Variants in EPHA5 observed in about 807,000 individuals in gnomAD.
EPHA5 encodes the protein EPH receptor A5, also known as ephrin type-A receptor 5.
In EPHA5, 60 loss-of-function variants were observed where a neutral mutation model predicts 105.0. That is an observed-to-expected ratio of 0.57 (90% CI 0.46 to 0.71). The LOEUF (loss-of-function observed/expected upper bound fraction) is 0.71. Ranked by LOEUF, EPHA5 falls within the 30% of genes least tolerant of loss-of-function variation. The probability of loss-of-function intolerance (pLI) is 0.00; values close to 1 mark genes in which losing one functional copy is unlikely to be tolerated. For missense variants in EPHA5, 1,218 were observed against 1,274.7 expected (o/e 0.96, Z 0.68); for synonymous variants, 513 against 449.1 (o/e 1.14, Z -1.80).
intron 3 of EPHA5, among the ~76,000 whole-genome samples, chr4:65,560,147 A>T (rs188116399): frequency 1.0e-3 from 156 of 152,212 alleles, no homozygotes; most frequent in African/African-American, 3.7e-3. Flanking sequence ...CTTTTGAATA[A>T]AGTTGATTAT....
At chr4:65,457,431 A>G (rs1409336184) in intron 5 of EPHA5, among the ~76,000 whole-genome samples, 3 of 152,204 alleles carry the variant, frequency 2.0e-5, no homozygotes, top group African/African-American at 4.8e-5. Context: ...TAAGCAAACT[A>G]TAAGTTATAC....
intron 5 of EPHA5, among the ~76,000 whole-genome samples, chr4:65,445,875 C>T (rs188896757): frequency 6.6e-6 from 1 of 152,232 alleles, no homozygotes; most frequent in African/African-American, 2.4e-5. Flanking sequence ...AGAAATATTA[C>T]CAATTAGGGA....
chr4:65,594,747 T>G (rs999001531), intron 3 of EPHA5, among the ~76,000 whole-genome samples: 45 of 142,390 alleles, frequency 3.2e-4, no homozygotes, highest in African/African-American at 1.0e-3. Context: ...TGAAACAAGT[T>G]CTTTAAGAAA....
chr4:65,644,207 C>CAT (rs1256273153), intron 1 of EPHA5, among the ~76,000 whole-genome samples: 1 of 151,524 alleles, frequency 6.6e-6, no homozygotes, highest in Non-Finnish European at 1.5e-5. Context: ...TGAGTATCTA[C>CAT]ACACACACAC....
At chr4:65,420,609 C>T in intron 5 of EPHA5, 44 bp from the exon 6 acceptor site, 1 of 1,587,170 alleles carries the variant, frequency 6.3e-7, no homozygotes, top group Non-Finnish European at 8.6e-7. Context: ...TAATAAGGCC[C>T]TAAAAGTAAA....
At chr4:65,635,494 A>G (rs144646006) in intron 2 of EPHA5, among the ~76,000 whole-genome samples, 315 of 152,254 alleles carry the variant, frequency 2.1e-3, no homozygotes, top group Middle Eastern at 6.8e-3. Context: ...TGGTTTCCCC[A>G]TTGTGTGCTA....
rs1311104438 is a variant in EPHA5, at chr4:65,446,190, CA to C, written c.1403-25626del. Among the ~76,000 whole-genome samples the C allele has an allele frequency of 2.6e-5, 4 of 152,216 alleles. No homozygotes were observed. In the East Asian group the frequency reaches 7.7e-4, roughly 29 times the overall value. On this transcript the variant is annotated intron_variant, in intron 5 of 16. Transcript: ENST00000613740. ...AATAACTACAGATGTCTGCTTAATG[CA>C]ATTGTACCAATTGTCTATTATTTTT... is the stretch of plus-strand genomic sequence containing the variant.
At position 65,669,998 on chromosome 4, in the gene EPHA5, C is replaced by T. The variant is rs1335401141; in HGVS notation, c.-256G>A. The stretch of plus-strand genomic sequence containing the variant: ...TTCTGGTTGCTAGTGCAGATCTGGA[C>T]TCGGATCAAGGGTGTCGAGAGGGTC... On this transcript the variant is annotated 5_prime_UTR_variant, in exon 1 of 17. Coordinates refer to ENST00000613740, the MANE Select transcript of EPHA5 (RefSeq NM_001281766.3). 1 of 460,390 alleles carries T rather than the reference C, an allele frequency of 2.2e-6. No homozygotes were observed. Among genetic ancestry groups the T allele is most frequent in the African/African-American group, 2.0e-5 (1 of 49,818 alleles). The allele number at this position is 460,390 out of a possible 1,614,324, so 28.5% of individuals were successfully genotyped here. A position where few individuals can be genotyped will look rare whatever the true frequency, so the allele number is the denominator to read the frequency against.
At chr4:65,575,928 G>A (rs1461727787) in intron 3 of EPHA5, among the ~76,000 whole-genome samples, 1 of 149,570 alleles carries the variant, frequency 6.7e-6, no homozygotes, top group Non-Finnish European at 1.5e-5. Context: ...AGTGAGCCAG[G>A]ACCGTGCCAC....
intron 7 of EPHA5, among the ~76,000 whole-genome samples, chr4:65,409,851 A>T (rs1722750134): frequency 6.6e-6 from 1 of 152,210 alleles, no homozygotes. Context: ...AAATAATGAG[A>T]TATCACTACC....
chr4:65,534,411 T>C (rs1578360237), intron 3 of EPHA5, among the ~76,000 whole-genome samples: 1 of 152,178 alleles, frequency 6.6e-6, no homozygotes, highest in Non-Finnish European at 1.5e-5. Context: ...TTTAGAGGAT[T>C]TCCTCTTTCT....
At chr4:65,356,103 C>T (rs1577902675) in intron 11 of EPHA5, among the ~76,000 whole-genome samples, 1 of 151,484 alleles carries the variant, frequency 6.6e-6, no homozygotes, top group African/African-American at 2.4e-5. Flanking sequence ...ATCACATGAA[C>T]AGACGCTGTG....
At chr4:65,583,511 G>A (rs1741841775) in intron 3 of EPHA5, among the ~76,000 whole-genome samples, 1 of 151,650 alleles carries the variant, frequency 6.6e-6, no homozygotes, top group African/African-American at 2.4e-5. Context: ...AATTAAACAT[G>A]ACAATAGTTT....
At chr4:65,575,025 A>G (rs190953291) in intron 3 of EPHA5, among the ~76,000 whole-genome samples, 53 of 151,994 alleles carry the variant, frequency 3.5e-4, no homozygotes, top group African/African-American at 1.2e-3. Context: ...CTTGCCAAAA[A>G]TGAAGTAAGT....
At chr4:65,463,020 G>A (rs886395770) in intron 5 of EPHA5, among the ~76,000 whole-genome samples, 3 of 152,150 alleles carry the variant, frequency 2.0e-5, no homozygotes, top group African/African-American at 7.2e-5. Context: ...TAAGCTTAAT[G>A]GCCATGATCT....
intron 1 of EPHA5, among the ~76,000 whole-genome samples, chr4:65,646,060 T>A (rs905233295): frequency 6.6e-6 from 1 of 152,188 alleles, no homozygotes. Context: ...ATAACTAAAA[T>A]GTATGTGCAA....
intron 5 of EPHA5, among the ~76,000 whole-genome samples, chr4:65,467,328 C>G (rs564549712): frequency 6.6e-6 from 1 of 152,148 alleles, no homozygotes; most frequent in East Asian, 1.9e-4. Context: ...CAAAACTGGC[C>G]CCAATTCTCC....
At chr4:65,591,589 ATTAATT>A (rs1307202540) in intron 3 of EPHA5, among the ~76,000 whole-genome samples, 4 of 151,114 alleles carry the variant, frequency 2.6e-5, no homozygotes, top group Middle Eastern at 3.4e-3. Context: ...CTTTGCCTAC[ATTAATT>A]TTAATTTTAT....
At chr4:65,393,053 G>A (rs1226910627) in intron 8 of EPHA5, among the ~76,000 whole-genome samples, 1 of 152,148 alleles carries the variant, frequency 6.6e-6, no homozygotes, top group Non-Finnish European at 1.5e-5. Flanking sequence ...TAAAGGGATT[G>A]AGGAAATTTC....
Sources: gnomAD v4.1 joint callset for allele counts (sites outside exome capture counted in the v4.1 genomes callset) on GRCh38, gnomAD v4.1.1 for gene constraint, MANE v1.5 for transcripts, NCBI Gene and HGNC (gene_info 2026-07-23, HGNC 2026-07-21) for gene names.